The following TFEC variants were observed in gnomAD, a reference collection of about 807,000 sequenced individuals.
TFEC encodes the protein class E basic helix-loop-helix protein 34.
Under a neutral mutation model 41.6 loss-of-function variants are expected in TFEC, and 31 were observed. That is an observed-to-expected ratio of 0.74 (90% CI 0.56 to 1.01). The LOEUF (loss-of-function observed/expected upper bound fraction) is 1.01, where lower values mean the gene tolerates loss of function less well. Ranked by LOEUF, TFEC falls within the 50% of genes least tolerant of loss-of-function variation. TFEC has a pLI of 0.00. For missense variants in TFEC, 402 were observed against 404.1 expected, an observed-to-expected ratio of 0.99 and a Z score of 0.04; for synonymous variants, 143 against 140.6, an observed-to-expected ratio of 1.02 and a Z score of -0.12.
chr7:116,150,725 G>A (rs1268629901), intron 1 of TFEC, among the ~76,000 whole-genome samples: 1 of 151,974 alleles, frequency 6.6e-6, no homozygotes, highest in Non-Finnish European at 1.5e-5. Context: ...TTAATATTAT[G>A]CTAAAGGAAG....
At chr7:116,047,413 A>G (rs1157036124) in intron 3 of TFEC, among the ~76,000 whole-genome samples, 2 of 152,154 alleles carry the variant, frequency 1.3e-5, no homozygotes, top group South Asian at 2.1e-4. Context: ...CTAGCACAGC[A>G]GTCTGAGATT....
At chr7:115,978,160 A>G (rs1259089595) in intron 2 of TFEC, among the ~76,000 whole-genome samples, 1 of 152,108 alleles carries the variant, frequency 6.6e-6, no homozygotes, top group Non-Finnish European at 1.5e-5. Context: ...TAAGAGACAC[A>G]CTTAAAAGTA....
chr7:115,962,838 T>G (rs2130496141), intron 3 of TFEC, among the ~76,000 whole-genome samples: 1 of 151,984 alleles, frequency 6.6e-6, no homozygotes. Context: ...CAACAAAAAC[T>G]AACAACCCAA....
intron 1 of TFEC, among the ~76,000 whole-genome samples, chr7:116,130,045 AACAC>A (rs56872188): frequency 0.075 from 10,645 of 142,104 alleles, 377 homozygotes; most frequent in African/African-American, 0.11. Context: ...AACATGCAAG[AACAC>A]ACACACACAC....
chr7:116,150,177 CTTTG>C (rs1165938549), intron 1 of TFEC, among the ~76,000 whole-genome samples: 1 of 152,054 alleles, frequency 6.6e-6, no homozygotes, highest in East Asian at 1.9e-4. Context: ...AGTTGTTATG[CTTTG>C]TTTGCTTTCA....
chr7:116,101,960 C>T (rs1797615180), intron 3 of TFEC, among the ~76,000 whole-genome samples: 1 of 152,122 alleles, frequency 6.6e-6, no homozygotes, highest in Non-Finnish European at 1.5e-5. Context: ...TTACTAGTAT[C>T]CTTTTCTATA....
At chr7:116,106,389 T>C (rs960879853) in intron 3 of TFEC, among the ~76,000 whole-genome samples, 1 of 152,080 alleles carries the variant, frequency 6.6e-6, no homozygotes, top group East Asian at 1.9e-4. Flanking sequence ...TGTTTGTTTG[T>C]TTGTTTGTTT....
At chr7:115,969,983 A>G (rs188278939) in intron 3 of TFEC, among the ~76,000 whole-genome samples, 68 of 152,010 alleles carry the variant, frequency 4.5e-4, no homozygotes, top group African/African-American at 1.6e-3. Context: ...CAGCCATGCT[A>G]TGTTTAAGAT....
intron 3 of TFEC, among the ~76,000 whole-genome samples, chr7:116,108,608 G>C (rs1797774629): frequency 6.6e-6 from 1 of 152,084 alleles, no homozygotes; most frequent in Non-Finnish European, 1.5e-5. Flanking sequence ...GAGAGCATGA[G>C]ACTTGGGTTC....
intron 3 of TFEC, among the ~76,000 whole-genome samples, chr7:116,053,678 C>T (rs1337618629): frequency 6.6e-6 from 1 of 152,150 alleles, no homozygotes; most frequent in Non-Finnish European, 1.5e-5. Flanking sequence ...TAAGATAGCA[C>T]ATTTGCATGC....
At chr7:116,131,343 T>G (rs1798328632) in intron 1 of TFEC, among the ~76,000 whole-genome samples, 1 of 152,180 alleles carries the variant, frequency 6.6e-6, no homozygotes, top group Non-Finnish European at 1.5e-5. Flanking sequence ...GTAGACTTCC[T>G]TCTGAGGTAA....
intron 1 of TFEC, among the ~76,000 whole-genome samples, chr7:115,994,882 A>G (rs1382123275): frequency 2.6e-5 from 4 of 152,306 alleles, no homozygotes; most frequent in Non-Finnish European, 5.9e-5. Context: ...ATGCCGCTAT[A>G]AAGACACATG....
At chr7:116,015,711 C>T (rs1337806799) in intron 1 of TFEC, among the ~76,000 whole-genome samples, 3 of 151,700 alleles carry the variant, frequency 2.0e-5, no homozygotes, top group African/African-American at 4.8e-5. Context: ...TTATACACCA[C>T]GATGAAGGGA....
chr7:116,064,176 T>C (rs1343297975), intron 3 of TFEC, among the ~76,000 whole-genome samples: 1 of 152,088 alleles, frequency 6.6e-6, no homozygotes, highest in African/African-American at 2.4e-5. Context: ...ATGGTGACTA[T>C]AGTTAATCAG....
Position 116,038,025 on chromosome 7 carries a change from A to C in TFEC, c.199-53512T>G, listed in dbSNP as rs561474760. Among the ~76,000 whole-genome samples, 8 of 152,160 alleles carry C rather than the reference A, an allele frequency of 5.3e-5. No individual in the cohort carries two copies. In the South Asian group the frequency reaches 1.7e-3, roughly 32 times the overall value. On this transcript the variant is annotated intron_variant, in intron 3 of 8. Transcript: ENST00000484212. ...ATATCTCACCAGTCAGCAGAAGTAC[A>C]TCTACTTATCATTGCTCTTTGAGAA...
chr7:115,986,479 T>C (rs1562913425), intron 1 of TFEC, among the ~76,000 whole-genome samples: 1 of 151,860 alleles, frequency 6.6e-6, no homozygotes, highest in African/African-American at 2.4e-5. Flanking sequence ...ATGTTCACAA[T>C]GCAAAGCAAA....
intron 3 of TFEC, among the ~76,000 whole-genome samples, chr7:116,036,764 A>T (rs759887190): frequency 6.6e-6 from 1 of 152,082 alleles, no homozygotes; most frequent in Non-Finnish European, 1.5e-5. Context: ...TAATAAAAAA[A>T]GTAATTTAAT....
intron 1 of TFEC, among the ~76,000 whole-genome samples, chr7:116,138,474 A>G (rs1037797097): frequency 1.3e-5 from 2 of 152,186 alleles, no homozygotes; most frequent in African/African-American, 4.8e-5. Context: ...GAGGCCTGAG[A>G]TAACTCGGTC....
At chr7:115,995,345 A>T (rs543342694) in intron 1 of TFEC, among the ~76,000 whole-genome samples, 5 of 151,992 alleles carry the variant, frequency 3.3e-5, no homozygotes, top group African/African-American at 7.2e-5. Context: ...AAAGTATATT[A>T]AAAAAAACAA....
Sources: gnomAD v4.1 joint callset for allele counts (sites outside exome capture counted in the v4.1 genomes callset) on GRCh38, gnomAD v4.1.1 for gene constraint, MANE v1.5 for transcripts, NCBI Gene and HGNC (gene_info 2026-07-23, HGNC 2026-07-21) for gene names.